The following AP2A2 variants were observed in gnomAD, a reference collection of about 807,000 sequenced individuals.
AP2A2 encodes the protein AP-2 complex subunit alpha-2.
In AP2A2, 32 loss-of-function variants were observed where a neutral mutation model predicts 104.2. The observed-to-expected ratio is 0.31, with a 90% confidence interval of 0.23 to 0.41. The LOEUF is 0.41. Among genes scored for constraint, AP2A2 ranks in the 10% least tolerant of loss-of-function variants. The pLI, the probability that AP2A2 is intolerant of heterozygous loss-of-function variation, is 1.00. For synonymous variants in AP2A2, 539 were observed against 533.3 expected (o/e 1.01, Z -0.15); for missense variants, 912 against 1,261.0 (o/e 0.72, Z 4.19).
chr11:982,703 T>C (rs913601395), intron 6 of AP2A2, among the ~76,000 whole-genome samples: 2 of 151,504 alleles, frequency 1.3e-5, no homozygotes, highest in Non-Finnish European at 2.9e-5. Context: ...CAGGTTGGAG[T>C]GCAGTGGTAC....
chr11:933,514 G>A (rs556556271), intron 1 of AP2A2: 3 of 456,224 alleles, frequency 6.6e-6, no homozygotes, highest in East Asian at 1.4e-4. Context: ...GTAGAAGTGG[G>A]GGCTGAAGCT....
At chr11:927,870 T>C (rs1191725323) in intron 1 of AP2A2, among the ~76,000 whole-genome samples, 1 of 151,896 alleles carries the variant, frequency 6.6e-6, no homozygotes, top group African/African-American at 2.4e-5. Context: ...ATCAGCACTT[T>C]TACGAGTAGC....
At position 985,628 on chromosome 11, in the gene AP2A2, ACG is replaced by A. The variant is rs1417889320; in HGVS notation, c.962+47_962+48del. ...GAGGCTTCGTCTCGCGCACACACAC[ACG>A]TTCCTTCTCGTTGGCACGAGACTGG... is the stretch of plus-strand genomic sequence containing the variant. On this transcript the variant is annotated intron_variant, in intron 8 of 21. Transcript: ENST00000448903. 5 of 1,611,146 alleles carry A rather than the reference ACG, an allele frequency of 3.1e-6. No homozygotes were observed. The East Asian group carries it at 1.1e-4, about 36-fold the overall frequency.
intron 1 of AP2A2, among the ~76,000 whole-genome samples, chr11:956,566 G>A (rs1375897024): frequency 6.6e-6 from 1 of 152,206 alleles, no homozygotes; most frequent in Non-Finnish European, 1.5e-5. Flanking sequence ...TTAAACATGT[G>A]TATCCCTATT....
chr11:991,616 C>T (rs1855658055), intron 10 of AP2A2, among the ~76,000 whole-genome samples: 1 of 151,734 alleles, frequency 6.6e-6, no homozygotes, highest in Admixed American at 6.6e-5. Context: ...GCGGGTAGGG[C>T]TCAGAGGCAG....
chr11:1,001,771 G>T (rs963261533), intron 15 of AP2A2, among the ~76,000 whole-genome samples: 1 of 152,184 alleles, frequency 6.6e-6, no homozygotes, highest in Admixed American at 6.5e-5. Flanking sequence ...GCCCTTCCCT[G>T]CTGGGCGCTG....
intron 14 of AP2A2, among the ~76,000 whole-genome samples, chr11:995,615 G>C (rs562089467): frequency 6.6e-6 from 1 of 151,042 alleles, no homozygotes; most frequent in Non-Finnish European, 1.5e-5. Context: ...ACTCCTTGGC[G>C]GGGACCTGCT....
chr11:1,008,301 A>T, intron 18 of AP2A2, 166 bp downstream of exon 18: 2 of 1,082,858 alleles, frequency 1.8e-6, no homozygotes, highest in Non-Finnish European at 2.5e-6. Flanking sequence ...GGCTCTGCAG[A>T]GCGCAGGAAA....
chr11:1,006,159 G>C (rs1302911595), intron 16 of AP2A2, among the ~76,000 whole-genome samples: 1 of 152,258 alleles, frequency 6.6e-6, no homozygotes, highest in African/African-American at 2.4e-5. Context: ...GGCGTCCCTG[G>C]AAAAGATGCT....
chr11:933,567 G>C, intron 1 of AP2A2: 1 of 456,272 alleles, frequency 2.2e-6, no homozygotes, highest in Non-Finnish European at 4.4e-6. Context: ...GGTTGTAAGG[G>C]TCTGGCCAAG....
chr11:952,561 C>A (rs1482294795), intron 1 of AP2A2, among the ~76,000 whole-genome samples: 1 of 152,172 alleles, frequency 6.6e-6, no homozygotes, highest in East Asian at 1.9e-4. Flanking sequence ...GCGAGAATTC[C>A]CTGATGCAAG....
intron 14 of AP2A2, among the ~76,000 whole-genome samples, chr11:998,160 T>G: frequency 6.6e-6 from 1 of 152,206 alleles, no homozygotes; most frequent in East Asian, 1.9e-4. Flanking sequence ...AGACACGCCT[T>G]GGATATTTTT....
Position 1,010,991 on chromosome 11 carries a change from A to G in AP2A2, c.*366A>G, listed in dbSNP as rs1856409377. On this transcript the variant is annotated 3_prime_UTR_variant, in exon 22 of 22. Transcript: ENST00000448903. ...CGTGCTGCCGCCCACCCCGCCTCGG[A>G]GCCTCTGGGAGCAGCAGTGCCACTG... The G allele has an allele frequency of 1.4e-6, 1 of 699,926 alleles. No individual in the cohort carries two copies. Among genetic ancestry groups the G allele is most frequent in the East Asian group, 2.7e-5 (1 of 36,474 alleles). 43.4% of individuals were successfully genotyped at this position (699,926 alleles called of 1,614,324 possible).
At chr11:1,009,890 T>C (rs11246380) in intron 21 of AP2A2, 73 bp downstream of exon 21, 789,799 of 1,485,520 alleles carry the variant, frequency 0.53, 214,364 homozygotes, top group Admixed American at 0.66. Context: ...TGGTGAGATG[T>C]GTAGCTCTTT....
At position 992,501 on chromosome 11, in the gene AP2A2, AGGTG is replaced by A; in HGVS notation, c.1270-1_1272del. The A allele has an allele frequency of 6.3e-7, 1 of 1,582,202 alleles. No homozygotes were observed. The highest frequency in any genetic ancestry group is 8.6e-7 in the Non-Finnish European group (1 of 1,164,292). ...CGGCCCTCAGCAGCCTGTCCCCCAC[AGGTG>A]CTGAAGGTCGCCATCCTGGCTGAGA... On this transcript the variant is annotated splice_acceptor_variant and coding_sequence_variant, in exon 11 of 22. Coordinates refer to ENST00000448903, the MANE Select transcript of AP2A2 (RefSeq NM_012305.4). LOFTEE classifies it high-confidence loss of function. The surrounding 1 kb of genome is among the most constrained non-coding windows in gnomAD (Gnocchi z 6.4).
At chr11:970,345 T>A in intron 3 of AP2A2, 34 bp downstream of exon 3, 1 of 1,607,030 alleles carries the variant, frequency 6.2e-7, no homozygotes, top group Non-Finnish European at 8.5e-7. Flanking sequence ...CGGCAGAGGA[T>A]GGCGTGGGCC....
intron 3 of AP2A2, among the ~76,000 whole-genome samples, chr11:971,060 T>A (rs189044739): frequency 1.3e-5 from 2 of 152,190 alleles, no homozygotes; most frequent in Admixed American, 6.5e-5. Context: ...AGACTGTAGA[T>A]GTCTTGGGGT....
At chr11:987,895 C>T (rs765742197) in intron 9 of AP2A2, among the ~76,000 whole-genome samples, 3 of 152,252 alleles carry the variant, frequency 2.0e-5, no homozygotes, top group African/African-American at 7.2e-5. Flanking sequence ...CGCACGTCTG[C>T]GTGCAGCTCA....
chr11:926,467 C>T (rs1013986659), intron 1 of AP2A2, among the ~76,000 whole-genome samples: 6 of 151,962 alleles, frequency 3.9e-5, no homozygotes, highest in Non-Finnish European at 7.4e-5. Flanking sequence ...CTCCCGTTTG[C>T]TGGTCCGTGC....
Sources: allele counts gnomAD v4.1 joint callset (sites outside exome capture counted in the v4.1 genomes callset), GRCh38; gene constraint gnomAD v4.1.1; non-coding constraint Gnocchi (gnomAD v3.1); transcripts MANE v1.5; gene names NCBI Gene and HGNC (gene_info 2026-07-23, HGNC 2026-07-21).